Variants in IGSF21 observed in about 807,000 individuals in gnomAD.
The protein encoded by IGSF21 is immunoglobulin superfamily member 21.
A neutral mutation model predicts 46.8 loss-of-function variants in IGSF21; 28 were observed. The ratio of observed to expected loss-of-function variants is 0.60; its 90% confidence interval spans 0.44 to 0.82. The LOEUF (loss-of-function observed/expected upper bound fraction) is 0.82. IGSF21 is among the 40% of genes least tolerant of loss of function. The pLI, the probability that IGSF21 is intolerant of heterozygous loss-of-function variation, is 0.00. For missense variants in IGSF21, 624 were observed against 665.5 expected (o/e 0.94, Z 0.69); for synonymous variants, 284 against 273.6 (o/e 1.04, Z -0.38).
chr1:18,138,661 C>T (rs1386864584), intron 1 of IGSF21, among the ~76,000 whole-genome samples: 2 of 152,150 alleles, frequency 1.3e-5, no homozygotes, highest in African/African-American at 4.8e-5. Context: ...GGTACTGATC[C>T]TCTAACCCCC....
chr1:18,192,568 C>T (rs2086968028), intron 1 of IGSF21, among the ~76,000 whole-genome samples: 1 of 152,220 alleles, frequency 6.6e-6, no homozygotes, highest in South Asian at 2.1e-4. Context: ...GCCAGGCTTG[C>T]AGCTGGGCAT....
chr1:18,229,994 T>A (rs2084606923), intron 2 of IGSF21, among the ~76,000 whole-genome samples: 1 of 152,130 alleles, frequency 6.6e-6, no homozygotes, highest in African/African-American at 2.4e-5. Context: ...AGTTTGGAGA[T>A]GGGAAAATAG....
chr1:18,323,309 A>T (rs993146702), intron 3 of IGSF21, among the ~76,000 whole-genome samples: 1 of 152,136 alleles, frequency 6.6e-6, no homozygotes, highest in Non-Finnish European at 1.5e-5. Context: ...GGGCCTCAGG[A>T]CAAAGGGCTT....
intron 2 of IGSF21, among the ~76,000 whole-genome samples, chr1:18,234,932 G>T (rs1035829199): frequency 1.3e-5 from 2 of 152,202 alleles, no homozygotes; most frequent in East Asian, 1.9e-4. Flanking sequence ...TGGGGATGGG[G>T]TGATGGGAGA....
chr1:18,119,740 G>T (rs923554340), intron 1 of IGSF21, among the ~76,000 whole-genome samples: 3 of 144,074 alleles, frequency 2.1e-5, no homozygotes, highest in Admixed American at 7.3e-5. Flanking sequence ...AGCCAGAGGG[G>T]GCAAGGCTTT....
rs551049351 is a variant in IGSF21, at chr1:18,278,385, G to GC, written c.184-13474dup. On this transcript the variant is annotated intron_variant, in intron 2 of 9. Transcript: ENST00000251296. ...CTCCTGAGTAGCTGGGATTACAGGC[G>GC]CCCCCCCAACACACCTGGCTAATGT... 2.7e-3 allele frequency among the ~76,000 whole-genome samples: 406 copies of GC among 149,620 alleles called. 1 individual carries two copies. The highest frequency in any genetic ancestry group is 9.0e-3 in the African/African-American group (364 of 40,538).
chr1:18,366,803 A>G (rs527997100), intron 6 of IGSF21, among the ~76,000 whole-genome samples: 1 of 152,306 alleles, frequency 6.6e-6, no homozygotes, highest in East Asian at 1.9e-4. Context: ...CTCTCCCCAC[A>G]GAGCACCAAC....
rs139366264 is a variant in IGSF21, at chr1:18,289,190, C to T, written c.184-2676C>T. 1.8e-3 allele frequency among the ~76,000 whole-genome samples: 272 copies of T among 152,044 alleles called. 4 individuals carry two copies. The highest frequency in any genetic ancestry group is 6.0e-3 in the African/African-American group (248 of 41,448). On this transcript the variant is annotated intron_variant, in intron 2 of 9. Coordinates refer to ENST00000251296, the MANE Select transcript of IGSF21 (RefSeq NM_032880.5). ...AATGGAGTGAAATTTGAGATTGGGA[C>T]GATAAGGGCTGCCGCATTTTAGGAG...
At chr1:18,283,775 A>G (rs1003878936) in intron 2 of IGSF21, among the ~76,000 whole-genome samples, 11 of 151,992 alleles carry the variant, frequency 7.2e-5, no homozygotes, top group Non-Finnish European at 8.8e-5. Flanking sequence ...TCCTGTCTGG[A>G]CTTTGGAATC....
intron 3 of IGSF21, among the ~76,000 whole-genome samples, chr1:18,297,183 C>T (rs2085319795): frequency 6.6e-6 from 1 of 152,066 alleles, no homozygotes; most frequent in Non-Finnish European, 1.5e-5. Flanking sequence ...ATCCTCTCCC[C>T]AACCCCCAGG....
At chr1:18,111,354 G>C (rs2086143695) in intron 1 of IGSF21, 1 of 152,202 alleles carries the variant, frequency 6.6e-6, no homozygotes, top group Non-Finnish European at 1.5e-5. Context: ...TAAGTGCAGA[G>C]AATATTCGAG....
intron 1 of IGSF21, among the ~76,000 whole-genome samples, chr1:18,154,337 T>G (rs1359116495): frequency 6.6e-6 from 1 of 152,250 alleles, no homozygotes; most frequent in East Asian, 1.9e-4. Flanking sequence ...TCTCCCATTT[T>G]ACATCTTTTT....
At chr1:18,281,379 G>A (rs954380428) in intron 2 of IGSF21, among the ~76,000 whole-genome samples, 4 of 151,998 alleles carry the variant, frequency 2.6e-5, no homozygotes, top group Non-Finnish European at 5.9e-5. Flanking sequence ...GGCCAACATA[G>A]TGAAACCCTG....
At chr1:18,285,415 GC>G (rs1488890964) in intron 2 of IGSF21, among the ~76,000 whole-genome samples, 1 of 152,106 alleles carries the variant, frequency 6.6e-6, no homozygotes, top group African/African-American at 2.4e-5. Flanking sequence ...GGCAGTCAGG[GC>G]CCAGAGGTGG....
chr1:18,274,762 G>A (rs2085083236), intron 2 of IGSF21, among the ~76,000 whole-genome samples: 1 of 152,134 alleles, frequency 6.6e-6, no homozygotes, highest in Non-Finnish European at 1.5e-5. Flanking sequence ...ATGGTGGCTC[G>A]CACTTGTAAT....
intron 1 of IGSF21, among the ~76,000 whole-genome samples, chr1:18,155,516 C>G: frequency 6.6e-6 from 1 of 152,256 alleles, no homozygotes; most frequent in East Asian, 1.9e-4. Context: ...CCCACCCAGG[C>G]TGGCTCTCCA....
chr1:18,313,292 T>C (rs1181122046), intron 3 of IGSF21, among the ~76,000 whole-genome samples: 1 of 152,168 alleles, frequency 6.6e-6, no homozygotes, highest in Non-Finnish European at 1.5e-5. Context: ...ACTGGGTCTC[T>C]GCTATGGATA....
At chr1:18,132,712 G>C (rs1462789894) in intron 1 of IGSF21, among the ~76,000 whole-genome samples, 1 of 152,128 alleles carries the variant, frequency 6.6e-6, no homozygotes, top group East Asian at 1.9e-4. Flanking sequence ...AATCCATCCT[G>C]TGCTCATGGG....
At chr1:18,143,566 G>T (rs935084497) in intron 1 of IGSF21, among the ~76,000 whole-genome samples, 11 of 152,190 alleles carry the variant, frequency 7.2e-5, no homozygotes, top group Non-Finnish European at 1.6e-4. Flanking sequence ...CAGACGCCTT[G>T]TGGGGGTGGA....
Sources: gnomAD v4.1 joint callset for allele counts (sites outside exome capture counted in the v4.1 genomes callset) on GRCh38, gnomAD v4.1.1 for gene constraint, MANE v1.5 for transcripts, NCBI Gene and HGNC (gene_info 2026-07-23, HGNC 2026-07-21) for gene names.